Variants in SEPTIN4 observed in about 807,000 individuals in gnomAD.
The protein encoded by SEPTIN4 is septin 4.
Under a neutral mutation model 107.1 loss-of-function variants are expected in SEPTIN4, and 52 were observed. The observed-to-expected ratio is 0.49, with a 90% CI of 0.39 to 0.61. SEPTIN4 has a LOEUF of 0.61. Ranked by LOEUF, SEPTIN4 falls within the 20% of genes least tolerant of loss-of-function variation. The pLI is 0.00. For missense variants in SEPTIN4, 1,048 were observed against 1,243.5 expected (o/e 0.84, Z 2.36); for synonymous variants, 417 against 467.0 (o/e 0.89, Z 1.38).
chr17:58,521,899 C>G lies in SEPTIN4; in HGVS notation c.2352-46G>C. The G allele has an allele frequency of 6.2e-7, 1 of 1,614,254 alleles. No individual in the cohort carries two copies. The highest frequency in any genetic ancestry group is 8.5e-7 in the Non-Finnish European group (1 of 1,180,054). ...ACCACCTGCTAGTGGCAGCCCTGCC[C>G]CTGGTGCTCTTGGCCTGTTCCCTTG... On this transcript the variant is annotated intron_variant, in intron 8 of 13. Transcript: ENST00000672673. The surrounding 1 kb of genome is among the most constrained non-coding windows in gnomAD (Gnocchi z 6.4).
rs2144117112 is a variant in SEPTIN4 at position 58,526,862 on chromosome 17, G to A, written c.1731C>T (p.Pro577=). 2 of 1,613,784 alleles carry A rather than the reference G, an allele frequency of 1.2e-6. No individual in the cohort carries two copies. The highest frequency in any genetic ancestry group is 4.5e-5 in the East Asian group (2 of 44,864). Residue 577 remains proline, a synonymous_variant, in exon 4 of 14, where the codon CCC becomes CCT. Transcript: ENST00000672673. ...CCTGGGGCCTTGGCTCCGGGACTTG[G>A]GGCCTGGATGCCCAGGTCTTAGCCT... ...PPEAKTWASR[P]QVPEPRPQAP...
At chr17:58,527,960 G>T in intron 3 of SEPTIN4, 3 of 985,670 alleles carry the variant, frequency 3.0e-6, no homozygotes, top group Non-Finnish European at 3.6e-6. Context: ...AAGAGGAACT[G>T]TTTCCCCCAA....
intron 3 of SEPTIN4, chr17:58,539,084 C>T (rs1156438155): frequency 4.2e-6 from 6 of 1,444,746 alleles, no homozygotes; most frequent in Non-Finnish European, 5.6e-6. Flanking sequence ...CATTAGAGAG[C>T]ACCTGGCCCA....
Position 58,526,573 on chromosome 17 carries a change from A to AACACACACACACACACAC in SEPTIN4, c.1911+91_1911+108dup, listed in dbSNP as rs3034932. 6.8e-4 allele frequency: 884 copies of AACACACACACACACACAC among 1,303,688 alleles called. 8 individuals are homozygous for AACACACACACACACACAC. In the African/African-American group the frequency reaches 0.012, roughly 18 times the overall value. 80.8% of individuals were successfully genotyped at this position (1,303,688 alleles called of 1,614,324 possible). A position where few individuals can be genotyped will look rare whatever the true frequency, so the allele number is the denominator to read the frequency against. ...TAGGTCCCAGATACACACACACACAAACACACACACACACACACACACACA... is the reference window on the plus strand; with the variant it reads ...TAGGTCCCAGATACACACACACACAAACACACACACACACACACACACACACACACACACACACACACA... On this transcript the variant is annotated intron_variant, in intron 4 of 13. Transcript: ENST00000672673.
intron 12 of SEPTIN4, 65 bp from the exon 13 acceptor site, chr17:58,520,907 G>A: frequency 1.2e-6 from 2 of 1,612,300 alleles, no homozygotes; most frequent in South Asian, 2.2e-5. Context: ...TGAGCCCAGG[G>A]CCTATAGAAG....
At position 58,542,674 on chromosome 17, in the gene SEPTIN4, T is replaced by TG; in HGVS notation, c.1512dup (p.Lys505GlnfsTer20). ...TGAATGGGTTGTTTGCAGGTGTGCT[T>TG]GGGGGTCTGTGGCACTTCACTCAGT... On this transcript the variant is annotated frameshift_variant, in exon 1 of 14. Transcript: ENST00000672673. LOFTEE classifies it high-confidence loss of function. 6.2e-7 allele frequency: 1 copy of TG among 1,614,094 alleles called. No individual in the cohort carries two copies. The highest frequency in any genetic ancestry group is 8.5e-7 in the Non-Finnish European group (1 of 1,180,004).
rs544158360 is a variant in SEPTIN4, at chr17:58,532,210, A to AC, written c.1615-5233dup. 7.4e-5 allele frequency: 43 copies of AC among 582,810 alleles called. No individual in the cohort carries two copies. The African/African-American group carries it at 8.7e-4, about 12-fold the overall frequency. 36.1% of individuals were successfully genotyped at this position (582,810 alleles called of 1,614,324 possible). A position where few individuals can be genotyped will look rare whatever the true frequency, so the allele number is the denominator to read the frequency against. On this transcript the variant is annotated intron_variant, in intron 3 of 13. Coordinates refer to ENST00000672673, the MANE Select transcript of SEPTIN4 (RefSeq NM_001368771.2). ...CTGGGGGCCGGCCTCGCAGCCCGCG[A>AC]CCCCCGGATGCGCAGAGTATGCAGA...
In SEPTIN4 at chr17:58,543,083, T is replaced by C. The variant is rs1004742344; in HGVS notation, c.1104A>G (p.Pro368=). The C allele has an allele frequency of 6.2e-7, 1 of 1,612,904 alleles. No homozygotes were observed. Among genetic ancestry groups the C allele is most frequent in the African/African-American group, 1.3e-5 (1 of 74,986 alleles). The change falls in exon 1 of 14, where the codon CCA becomes CCG. Residue 368 remains proline, a synonymous_variant. Transcript: ENST00000672673. ...GSHKSSMFVT[P]EPIYKQQTQK... Reference sequence around the variant, plus strand: ...GGGTTTGCTGTTTATAGATGGGCTCTGGAGTAACAAACATGGATGACTTGT... The same window carrying C: ...GGGTTTGCTGTTTATAGATGGGCTCCGGAGTAACAAACATGGATGACTTGT...
At position 58,543,925 on chromosome 17, in the gene SEPTIN4, G is replaced by T. The variant is rs8071623; in HGVS notation, c.262C>A (p.Pro88Thr). 1,311,297 of 1,613,834 alleles carry T rather than the reference G, an allele frequency of 0.81. 534,616 individuals carry two copies. The highest frequency in any genetic ancestry group is 1 in the East Asian group (44,831 of 44,856). ...GATTCTGTTCTTGGTCCAGTCTCGG[G>T]TCCCCGAGGAGTGGGTACTGCATAG... is the stretch of plus-strand genomic sequence containing the variant. The part of the protein sequence containing the change: ...GHYAVPTPRG[P>T]ETGPRTESSR... The change falls in exon 1 of 14, where the codon CCC becomes ACC. Residue 88 changes from proline (P) to threonine (T), a missense_variant. Around this residue, in one of 2 missense-constraint regions of SEPTIN4, gnomAD observed 787 missense variants for 871.8 expected, o/e 0.90. Coordinates refer to ENST00000672673, the MANE Select transcript of SEPTIN4 (RefSeq NM_001368771.2).
intron 3 of SEPTIN4, among the ~76,000 whole-genome samples, chr17:58,540,324 C>G (rs929528692): frequency 6.6e-6 from 1 of 152,180 alleles, no homozygotes; most frequent in Non-Finnish European, 1.5e-5. Context: ...CAACGGCTAC[C>G]TAGACGGCCT....
rs977100451 is a variant in SEPTIN4, at chr17:58,543,501, C to T, written c.686G>A (p.Ser229Asn). Residue 229 changes from serine (S) to asparagine (N), a missense_variant, in exon 1 of 14, where the codon AGC becomes AAC. Physicochemically the swap from Ser to Asn is conservative, Grantham distance 46. Coordinates refer to ENST00000672673, the MANE Select transcript of SEPTIN4 (RefSeq NM_001368771.2). ...PRSPSLLEHG[S>N]SCVSADYQTA... ...CTGATAGTCTGCAGAGACACAGCTG[C>T]TTCCGTGCTCTAGGAGAGAGGGACT... 2 of 1,614,210 alleles carry T rather than the reference C, an allele frequency of 1.2e-6. No homozygotes were observed. Among genetic ancestry groups the T allele is most frequent in the Non-Finnish European group, 1.7e-6 (2 of 1,180,042 alleles).
intron 7 of SEPTIN4, among the ~76,000 whole-genome samples, chr17:58,522,469 G>A (rs1736470611): frequency 6.6e-6 from 1 of 151,958 alleles, no homozygotes; most frequent in South Asian, 2.1e-4. Context: ...AGACCACCCT[G>A]ACCAACATGG....
chr17:58,528,112 G>A, intron 3 of SEPTIN4: 1 of 874,288 alleles, frequency 1.1e-6, no homozygotes, highest in African/African-American at 1.8e-5. Context: ...AGGGCCGGCT[G>A]CAGAGGCTGA....
intron 1 of SEPTIN4, 33 bp downstream of exon 1, chr17:58,542,593 G>T: frequency 1.3e-6 from 2 of 1,571,638 alleles, no homozygotes; most frequent in Non-Finnish European, 1.7e-6. Context: ...ACTAAATTGG[G>T]GCTGCACCTG....
chr17:58,543,647 C>T lies in SEPTIN4; in HGVS notation c.540G>A (p.Lys180=), dbSNP rs764103874. 1.2e-6 allele frequency: 2 copies of T among 1,614,162 alleles called. No individual in the cohort carries two copies. The highest frequency in any genetic ancestry group is 4.5e-5 in the East Asian group (2 of 44,878). Residue 180 remains lysine, a synonymous_variant, in exon 1 of 14, where the codon AAG becomes AAA. Transcript: ENST00000672673. The part of the protein sequence containing the change: ...SQILEDDPPS[K]VQNPQGVRVP... The stretch of plus-strand genomic sequence containing the variant: ...CTCTGACTCCTTGGGGGTTCTGGAC[C>T]TTGGATGGTGGGTCATCTTCTAAGA...
intron 2 of SEPTIN4, 198 bp from the exon 3 acceptor site, chr17:58,540,871 C>T (rs187944345): frequency 1.3e-4 from 55 of 419,272 alleles, no homozygotes; most frequent in East Asian, 4.7e-4. Flanking sequence ...TGCCAAGCAC[C>T]GTGCTAAGTG....
At chr17:58,540,756 A>G in intron 2 of SEPTIN4, 83 bp from the exon 3 acceptor site, 1 of 1,278,252 alleles carries the variant, frequency 7.8e-7, no homozygotes, top group East Asian at 3.1e-5. Context: ...AGAAAAAGAG[A>G]AATTTACTAA....
chr17:58,537,628 G>A (rs1191664098), intron 3 of SEPTIN4, among the ~76,000 whole-genome samples: 3 of 152,028 alleles, frequency 2.0e-5, no homozygotes, highest in Non-Finnish European at 2.9e-5. Flanking sequence ...TCAGGAGTTC[G>A]AGACCAGCCT....
intron 2 of SEPTIN4, 118 bp from the exon 3 acceptor site, chr17:58,540,791 C>T: frequency 9.0e-7 from 1 of 1,115,178 alleles, no homozygotes; most frequent in South Asian, 2.8e-5. Context: ...CTTGGGCAAA[C>T]CTGGCCCAAT....
Sources: allele counts gnomAD v4.1 joint callset (sites outside exome capture counted in the v4.1 genomes callset), GRCh38; gene constraint gnomAD v4.1.1; regional missense constraint gnomAD v4.1.1; non-coding constraint Gnocchi (gnomAD v3.1); transcripts MANE v1.5; gene names NCBI Gene and HGNC (gene_info 2026-07-23, HGNC 2026-07-21).